Variants in VTI1A observed in about 807,000 individuals in gnomAD.
VTI1A encodes vesicle transport through interaction with t-SNAREs 1A.
Under a neutral mutation model 34.9 loss-of-function variants are expected in VTI1A, and 22 were observed. The observed-to-expected ratio is 0.63, with a 90% CI of 0.45 to 0.90. The LOEUF (loss-of-function observed/expected upper bound fraction) is 0.90, where lower values mean the gene tolerates loss of function less well. Ranked by LOEUF, VTI1A falls within the 40% of genes least tolerant of loss-of-function variation. The probability of loss-of-function intolerance (pLI) is 0.00; values close to 1 mark genes in which losing one functional copy is unlikely to be tolerated. For missense variants in VTI1A, 268 were observed against 275.6 expected, an observed-to-expected ratio of 0.97 and a Z score of 0.20; for synonymous variants, 87 against 97.3, an observed-to-expected ratio of 0.89 and a Z score of 0.62.
intron 5 of VTI1A, among the ~76,000 whole-genome samples, chr10:112,586,693 G>T: frequency 6.6e-6 from 1 of 151,904 alleles, no homozygotes; most frequent in East Asian, 1.9e-4. Context: ...TCCTCTAGCC[G>T]ATCTCCTTAG....
chr10:112,633,294 T>G (rs1305521832), intron 5 of VTI1A, among the ~76,000 whole-genome samples: 1 of 152,176 alleles, frequency 6.6e-6, no homozygotes, highest in African/African-American at 2.4e-5. Context: ...GCTCACATCC[T>G]TTGAGTACTC....
intron 5 of VTI1A, among the ~76,000 whole-genome samples, chr10:112,562,263 A>G (rs1202654702): frequency 2.6e-5 from 4 of 152,062 alleles, no homozygotes. Flanking sequence ...AACAGTCTAT[A>G]TTTTTTCATA....
At chr10:112,745,245 T>A (rs760714608) in intron 7 of VTI1A, among the ~76,000 whole-genome samples, 1 of 152,090 alleles carries the variant, frequency 6.6e-6, no homozygotes, top group Admixed American at 6.5e-5. Context: ...TTTTTTTTAA[T>A]GATTGAAAGT....
chr10:112,566,280 TAC>T (rs927606528), intron 5 of VTI1A, among the ~76,000 whole-genome samples: 9 of 152,302 alleles, frequency 5.9e-5, no homozygotes, highest in African/African-American at 2.2e-4. Context: ...ATAAAAAACT[TAC>T]AGTGATATTT....
chr10:112,703,601 CA>C (rs1849088785), intron 7 of VTI1A, among the ~76,000 whole-genome samples: 1 of 151,968 alleles, frequency 6.6e-6, no homozygotes, highest in Admixed American at 6.6e-5. Context: ...GAATATGATG[CA>C]TTATATATAA....
At chr10:112,613,404 T>C (rs1368995309) in intron 5 of VTI1A, among the ~76,000 whole-genome samples, 1 of 152,190 alleles carries the variant, frequency 6.6e-6, no homozygotes, top group Admixed American at 6.5e-5. Flanking sequence ...GGTATGGCTA[T>C]CTTTACAAAA....
intron 7 of VTI1A, chr10:112,752,334 C>A: frequency 1.0e-6 from 1 of 981,602 alleles, no homozygotes; most frequent in Non-Finnish European, 1.2e-6. Context: ...GTCCTCTGAT[C>A]CCCCTCTGTC....
chr10:112,456,290 C>T (rs946445253), intron 1 of VTI1A, among the ~76,000 whole-genome samples: 105 of 152,018 alleles, frequency 6.9e-4, no homozygotes, highest in African/African-American at 2.5e-3. Context: ...TGTGTGGTGG[C>T]GCATGCCTGT....
chr10:112,566,616 T>C (rs1851911150), intron 5 of VTI1A, among the ~76,000 whole-genome samples: 1 of 152,184 alleles, frequency 6.6e-6, no homozygotes, highest in African/African-American at 2.4e-5. Flanking sequence ...GATATTTCTC[T>C]CTACTATAAT....
Position 112,612,223 on chromosome 10 carries a change from G to A in VTI1A, c.428-55995G>A, listed in dbSNP as rs74431467. On this transcript the variant is annotated intron_variant, in intron 5 of 7. Coordinates refer to ENST00000393077, the MANE Select transcript of VTI1A (RefSeq NM_145206.4). ...ATCAATCGGGTACCCAATCTGGTCA[G>A]ATAGTGATTTGTCCTAGAGAGGTCT... Among the ~76,000 whole-genome samples the A allele has an allele frequency of 5.3e-3, 812 of 152,256 alleles. 13 individuals carry two copies. Among genetic ancestry groups the A allele is most frequent in the African/African-American group, 0.018 (754 of 41,512 alleles).
At chr10:112,609,778 G>A (rs1845222176) in intron 5 of VTI1A, among the ~76,000 whole-genome samples, 3 of 152,076 alleles carry the variant, frequency 2.0e-5, no homozygotes, top group African/African-American at 7.2e-5. Context: ...AATGTTCTGG[G>A]TTTTGTTTGC....
chr10:112,585,047 G>A (rs1844090757), intron 5 of VTI1A, among the ~76,000 whole-genome samples: 1 of 152,148 alleles, frequency 6.6e-6, no homozygotes, highest in Non-Finnish European at 1.5e-5. Flanking sequence ...TAATAACAAG[G>A]ATTACACAAA....
At position 112,817,795 on chromosome 10, in the gene VTI1A, CTT is replaced by C. The variant is rs986600077; in HGVS notation, c.*2414_*2415del. The C allele has an allele frequency of 1.7e-5, 4 of 231,526 alleles. No individual in the cohort carries two copies. Among genetic ancestry groups the C allele is most frequent in the Admixed American group, 1.7e-4 (3 of 17,706 alleles). The allele number at this position is 231,526 out of a possible 1,614,324, so 14.3% of individuals were successfully genotyped here. A position where few individuals can be genotyped will look rare whatever the true frequency, so the allele number is the denominator to read the frequency against. ...AGGTTCTAGGTACTTAGTGTGTAGACTTTGACGAATATTTCTCAAGTTGGGAG... is the reference window on the plus strand; with the variant it reads ...AGGTTCTAGGTACTTAGTGTGTAGACTGACGAATATTTCTCAAGTTGGGAG... On this transcript the variant is annotated 3_prime_UTR_variant, in exon 8 of 8. Coordinates refer to ENST00000393077, the MANE Select transcript of VTI1A (RefSeq NM_145206.4).
intron 5 of VTI1A, among the ~76,000 whole-genome samples, chr10:112,653,877 T>A (rs1439748850): frequency 6.6e-6 from 1 of 152,160 alleles, no homozygotes; most frequent in Non-Finnish European, 1.5e-5. Flanking sequence ...TTAATACTCT[T>A]AGGTGGAAGT....
chr10:112,628,770 T>C (rs559564084), intron 5 of VTI1A, among the ~76,000 whole-genome samples: 1 of 152,322 alleles, frequency 6.6e-6, no homozygotes, highest in South Asian at 2.1e-4. Flanking sequence ...TAAGATTTTC[T>C]TATTTAAAGT....
At chr10:112,497,640 A>T (rs1400905129) in intron 3 of VTI1A, among the ~76,000 whole-genome samples, 1 of 152,218 alleles carries the variant, frequency 6.6e-6, no homozygotes, top group Non-Finnish European at 1.5e-5. Context: ...ATTTCAGAGT[A>T]AAATATAATC....
intron 7 of VTI1A, among the ~76,000 whole-genome samples, chr10:112,796,632 G>A (rs181536413): frequency 6.6e-6 from 1 of 152,254 alleles, no homozygotes; most frequent in Non-Finnish European, 1.5e-5. Context: ...GGTTGGCCCT[G>A]GTGTGGGCAA....
intron 5 of VTI1A, among the ~76,000 whole-genome samples, chr10:112,621,588 T>G (rs571557627): frequency 6.6e-6 from 1 of 152,328 alleles, no homozygotes; most frequent in African/African-American, 2.4e-5. Flanking sequence ...TAAATTCTCC[T>G]AATCTGGGAA....
intron 5 of VTI1A, among the ~76,000 whole-genome samples, chr10:112,607,751 C>G (rs954766041): frequency 3.3e-5 from 5 of 152,196 alleles, no homozygotes; most frequent in African/African-American, 1.2e-4. Context: ...CTGTAGTCAT[C>G]AGCACACTTG....
Sources: gnomAD v4.1 joint callset for allele counts (sites outside exome capture counted in the v4.1 genomes callset) on GRCh38, gnomAD v4.1.1 for gene constraint, MANE v1.5 for transcripts, NCBI Gene and HGNC (gene_info 2026-07-23, HGNC 2026-07-21) for gene names.